Variants in TSGA10 observed in about 807,000 individuals in gnomAD.
TSGA10 encodes testis-specific gene 10 protein.
A neutral mutation model predicts 96.6 loss-of-function variants in TSGA10; 43 were observed. The ratio of observed to expected loss-of-function variants is 0.44; its 90% CI spans 0.35 to 0.57. The LOEUF is 0.57. Among genes scored for constraint, TSGA10 ranks in the 20% least tolerant of loss-of-function variants. The pLI is 0.01. For missense variants in TSGA10, 703 were observed against 834.4 expected (o/e 0.84, Z 1.94); for synonymous variants, 229 against 269.9 (o/e 0.85, Z 1.48).
chr2:99,046,784 C>G (rs374053115), intron 16 of TSGA10, among the ~76,000 whole-genome samples: 22 of 152,002 alleles, frequency 1.4e-4, no homozygotes, highest in East Asian at 5.8e-4. Context: ...GAATCCAGGA[C>G]CTGGTTTTTT....
At chr2:99,152,758 T>C (rs1251448180) in intron 1 of TSGA10, among the ~76,000 whole-genome samples, 2 of 152,112 alleles carry the variant, frequency 1.3e-5, no homozygotes, top group Non-Finnish European at 2.9e-5. Context: ...TGACAGGATG[T>C]AGTCATGGTT....
chr2:99,092,647 T>G (rs186853672), intron 10 of TSGA10, among the ~76,000 whole-genome samples: 1 of 152,098 alleles, frequency 6.6e-6, no homozygotes, highest in East Asian at 1.9e-4. Flanking sequence ...ACAAACACCT[T>G]CACACGCATA....
chr2:99,026,963 A>G (rs1327987417), intron 17 of TSGA10, among the ~76,000 whole-genome samples: 2 of 152,248 alleles, frequency 1.3e-5, no homozygotes. Context: ...ACCTCAGATC[A>G]TCAGGCATTA....
At chr2:99,016,554 T>C (rs1041277533) in intron 20 of TSGA10, among the ~76,000 whole-genome samples, 1 of 152,174 alleles carries the variant, frequency 6.6e-6, no homozygotes, top group Non-Finnish European at 1.5e-5. Context: ...GAAGATAACA[T>C]TGGTAAAAGT....
chr2:99,083,695 G>A (rs780963199), intron 10 of TSGA10, among the ~76,000 whole-genome samples: 1 of 152,142 alleles, frequency 6.6e-6, no homozygotes, highest in Non-Finnish European at 1.5e-5. Flanking sequence ...GCATTATTCT[G>A]AGTTTTCAAG....
chr2:99,003,294 A>G (rs937778694), intron 20 of TSGA10, among the ~76,000 whole-genome samples: 5 of 152,232 alleles, frequency 3.3e-5, no homozygotes, highest in Non-Finnish European at 7.3e-5. Context: ...ACCCAGATTC[A>G]TAAAGCAAGT....
chr2:99,020,526 C>G (rs1286053349), intron 17 of TSGA10, 44 bp from the exon 18 acceptor site: 1 of 1,419,906 alleles, frequency 7.0e-7, no homozygotes, highest in South Asian at 1.2e-5. Flanking sequence ...CCCATTAATT[C>G]ACTTAACTAT....
chr2:99,121,240 C>G (rs555489686), intron 2 of TSGA10, among the ~76,000 whole-genome samples: 1 of 152,216 alleles, frequency 6.6e-6, no homozygotes, highest in South Asian at 2.1e-4. Context: ...CAAAAACTGC[C>G]AAATCATTTT....
At position 99,109,530 on chromosome 2, in the gene TSGA10, T is replaced by C; in HGVS notation, c.-73-18A>G. 2 of 1,514,544 alleles carry C rather than the reference T, an allele frequency of 1.3e-6. No individual in the cohort carries two copies. Among genetic ancestry groups the C allele is most frequent in the Non-Finnish European group, 1.8e-6 (2 of 1,124,364 alleles). 93.8% of individuals were successfully genotyped at this position (1,514,544 alleles called of 1,614,324 possible). On this transcript the variant is annotated intron_variant, in intron 5 of 20. Transcript: ENST00000393483. The stretch of plus-strand genomic sequence containing the variant: ...AATCAAGTCTAGAAGGAGATTTATT[T>C]TGTGCTTTTTCAGTATCTAAAATTA...
At chr2:99,054,464 G>A (rs2083758910) in intron 16 of TSGA10, among the ~76,000 whole-genome samples, 2 of 152,120 alleles carry the variant, frequency 1.3e-5, no homozygotes, top group Admixed American at 6.5e-5. Context: ...GGTAGTGATT[G>A]TTTTGGATAT....
chr2:99,047,357 G>A (rs547732504), intron 16 of TSGA10, among the ~76,000 whole-genome samples: 9 of 152,210 alleles, frequency 5.9e-5, no homozygotes, highest in Middle Eastern at 3.4e-3. Flanking sequence ...CCAGCAGTAC[G>A]TCAGAAAGCT....
intron 20 of TSGA10, among the ~76,000 whole-genome samples, chr2:99,006,152 T>C (rs1167792940): frequency 6.6e-6 from 1 of 152,196 alleles, no homozygotes. Context: ...TCAAGATGGA[T>C]TAAAGACTTA....
At chr2:99,108,543 A>G (rs750114845) in intron 7 of TSGA10, among the ~76,000 whole-genome samples, 1 of 152,156 alleles carries the variant, frequency 6.6e-6, no homozygotes. Flanking sequence ...CCTTGAACTC[A>G]TAACAACTTA....
intron 2 of TSGA10, among the ~76,000 whole-genome samples, chr2:99,119,072 A>G (rs2092437484): frequency 6.6e-6 from 1 of 152,274 alleles, no homozygotes; most frequent in South Asian, 2.1e-4. Flanking sequence ...TAGTTCTAGC[A>G]TTATTCTTGC....
chr2:99,042,188 G>A (rs576730711), intron 16 of TSGA10, among the ~76,000 whole-genome samples: 63 of 152,094 alleles, frequency 4.1e-4, no homozygotes, highest in Non-Finnish European at 7.1e-4. Context: ...TGAGTCACTC[G>A]CTTTGTGAGG....
In TSGA10 at chr2:99,110,845, C is replaced by T; in HGVS notation, c.-74+5G>A. Reference sequence around the variant, plus strand: ...GTAACACATATTTATGAAAAATGTACTTACAGATTTAAGCCTTTTTATTGT... The same window carrying T: ...GTAACACATATTTATGAAAAATGTATTTACAGATTTAAGCCTTTTTATTGT... On this transcript the variant is annotated splice_donor_5th_base_variant and intron_variant, in intron 5 of 20. Coordinates refer to ENST00000393483, the MANE Select transcript of TSGA10 (RefSeq NM_025244.4). The T allele has an allele frequency of 1.4e-6, 1 of 702,308 alleles. No homozygotes were observed. The highest frequency in any genetic ancestry group is 1.7e-6 in the Non-Finnish European group (1 of 571,768). 43.5% of individuals were successfully genotyped at this position (702,308 alleles called of 1,614,324 possible). A position where few individuals can be genotyped will look rare whatever the true frequency, so the allele number is the denominator to read the frequency against.
chr2:99,104,240 GT>G, intron 9 of TSGA10, 122 bp from the exon 10 acceptor site: 2 of 1,126,370 alleles, frequency 1.8e-6, no homozygotes, highest in Non-Finnish European at 2.5e-6. Context: ...AGATTATCAG[GT>G]TAGACCTGAC....
chr2:99,089,850 T>C (rs758711879), intron 10 of TSGA10, among the ~76,000 whole-genome samples: 1 of 152,160 alleles, frequency 6.6e-6, no homozygotes, highest in Non-Finnish European at 1.5e-5. Flanking sequence ...AAAGGTCATA[T>C]TCTCTTGGGA....
intron 17 of TSGA10, among the ~76,000 whole-genome samples, chr2:99,020,897 T>G (rs1558747730): frequency 6.6e-6 from 1 of 150,852 alleles, no homozygotes; most frequent in African/African-American, 2.4e-5. Context: ...TCTTATATTC[T>G]TATATAAAGA....
Sources: gnomAD v4.1 joint callset for allele counts (sites outside exome capture counted in the v4.1 genomes callset) on GRCh38, gnomAD v4.1.1 for gene constraint, MANE v1.5 for transcripts, NCBI Gene and HGNC (gene_info 2026-07-23, HGNC 2026-07-21) for gene names.